The following NCAM1 variants were observed in gnomAD, a reference collection of about 807,000 sequenced individuals.
The protein encoded by NCAM1 is neural cell adhesion molecule 1.
In NCAM1, 14 loss-of-function variants were observed where a neutral mutation model predicts 109.8. The ratio of observed to expected loss-of-function variants is 0.13; its 90% CI spans 0.08 to 0.20. NCAM1 has a LOEUF of 0.20. Ranked by LOEUF, NCAM1 falls within the 10% of genes least tolerant of loss-of-function variation. The pLI is 1.00. For synonymous variants in NCAM1, 418 were observed against 442.9 expected (o/e 0.94, Z 0.70); for missense variants, 774 against 1,109.9 (o/e 0.70, Z 4.30).
intron 1 of NCAM1, among the ~76,000 whole-genome samples, chr11:113,008,216 G>A (rs1158495055): frequency 6.6e-6 from 1 of 152,052 alleles, no homozygotes; most frequent in Non-Finnish European, 1.5e-5. Flanking sequence ...TTTGATAGAG[G>A]ATCAGAGAAT....
intron 14 of NCAM1, 118 bp downstream of exon 14, chr11:113,235,282 C>A (rs781852547): frequency 2.5e-6 from 4 of 1,596,348 alleles, no homozygotes; most frequent in Non-Finnish European, 3.4e-6. Flanking sequence ...CTTTCAGATC[C>A]CTCTGCTCCT....
chr11:113,237,782 T>C (rs973353261), intron 14 of NCAM1, among the ~76,000 whole-genome samples: 1 of 151,956 alleles, frequency 6.6e-6, no homozygotes, highest in African/African-American at 2.4e-5. Flanking sequence ...TGAATCAGAG[T>C]AACTGGGTCT....
chr11:113,035,412 G>T (rs782101274), intron 1 of NCAM1, among the ~76,000 whole-genome samples: 1 of 152,148 alleles, frequency 6.6e-6, no homozygotes, highest in Admixed American at 6.5e-5. Flanking sequence ...GAGTAACTCT[G>T]CACATCTCAC....
intron 1 of NCAM1, among the ~76,000 whole-genome samples, chr11:113,097,741 C>G (rs906507058): frequency 6.6e-5 from 10 of 151,542 alleles, no homozygotes; most frequent in African/African-American, 2.4e-4. Flanking sequence ...AATAAATTGA[C>G]TTATCATTAA....
chr11:113,157,578 A>C (rs1591373796), intron 1 of NCAM1, among the ~76,000 whole-genome samples: 2 of 151,968 alleles, frequency 1.3e-5, no homozygotes, highest in South Asian at 4.2e-4. Context: ...GCTTCTCTAT[A>C]CTCCTACACA....
At chr11:113,050,545 T>C (rs1953440561) in intron 1 of NCAM1, among the ~76,000 whole-genome samples, 1 of 152,206 alleles carries the variant, frequency 6.6e-6, no homozygotes, top group Non-Finnish European at 1.5e-5. Flanking sequence ...TGTGTGTCTA[T>C]TTTTATACCA....
chr11:113,035,892 G>C (rs187571858), intron 1 of NCAM1, among the ~76,000 whole-genome samples: 17 of 152,204 alleles, frequency 1.1e-4, no homozygotes, highest in African/African-American at 4.1e-4. Flanking sequence ...CTTTGGCTGG[G>C]AGGTCCTGAA....
intron 13 of NCAM1, 123 bp from the exon 14 acceptor site, chr11:113,234,910 A>T: frequency 7.8e-7 from 1 of 1,276,624 alleles, no homozygotes; most frequent in Non-Finnish European, 1.1e-6. Flanking sequence ...GCCCAGAAAT[A>T]GAATTGCTGG....
intron 1 of NCAM1, among the ~76,000 whole-genome samples, chr11:113,181,890 A>G (rs1449479905): frequency 6.6e-6 from 1 of 152,058 alleles, no homozygotes; most frequent in Non-Finnish European, 1.5e-5. Flanking sequence ...ATTGAATGAG[A>G]CCACTTAGCC....
chr11:113,016,810 A>G (rs912376056), intron 1 of NCAM1, among the ~76,000 whole-genome samples: 9 of 152,180 alleles, frequency 5.9e-5, no homozygotes, highest in South Asian at 2.1e-4. Context: ...CTCAAATTTT[A>G]TGAAGAGCTT....
At chr11:113,244,362 A>G (rs1555119737) in intron 14 of NCAM1, among the ~76,000 whole-genome samples, 1 of 152,214 alleles carries the variant, frequency 6.6e-6, no homozygotes, top group Admixed American at 6.5e-5. Context: ...CAAAATGCTT[A>G]GTTGTGACAT....
At chr11:113,113,922 A>C (rs1245086) in intron 1 of NCAM1, among the ~76,000 whole-genome samples, 2 of 152,156 alleles carry the variant, frequency 1.3e-5, no homozygotes, top group African/African-American at 4.8e-5. Flanking sequence ...TTCACTTCAC[A>C]TTGCTGTCCT....
intron 1 of NCAM1, among the ~76,000 whole-genome samples, chr11:113,184,586 C>T (rs1249559443): frequency 1.3e-5 from 2 of 152,170 alleles, no homozygotes; most frequent in Non-Finnish European, 2.9e-5. Context: ...ATACCCACAC[C>T]TTTCTTTTTC....
At chr11:113,157,341 A>G (rs2136319207) in intron 1 of NCAM1, among the ~76,000 whole-genome samples, 1 of 152,306 alleles carries the variant, frequency 6.6e-6, no homozygotes, top group Middle Eastern at 3.4e-3. Context: ...CCAAGTTGAA[A>G]ATGTTCAAGG....
intron 1 of NCAM1, among the ~76,000 whole-genome samples, chr11:113,188,067 G>A (rs1943566400): frequency 6.6e-6 from 1 of 152,192 alleles, no homozygotes; most frequent in African/African-American, 2.4e-5. Context: ...TGTTGCTGCT[G>A]TTGGGTGTGG....
intron 1 of NCAM1, among the ~76,000 whole-genome samples, chr11:113,040,292 T>C (rs1439246763): frequency 2.0e-5 from 3 of 152,184 alleles, no homozygotes; most frequent in Non-Finnish European, 4.4e-5. Flanking sequence ...TGTACCCTGG[T>C]CGCAAATGCA....
chr11:113,186,495 A>G (rs180825352), intron 1 of NCAM1, among the ~76,000 whole-genome samples: 1 of 152,302 alleles, frequency 6.6e-6, no homozygotes, highest in African/African-American at 2.4e-5. Context: ...ACACAGTAAG[A>G]GGTTTGATTA....
chr11:113,273,848 T>G lies in NCAM1; in HGVS notation c.2457-1419T>G. 4.2e-6 allele frequency: 1 copy of G among 237,360 alleles called. No homozygotes were observed. The highest frequency in any genetic ancestry group is 1.3e-4 in the East Asian group (1 of 7,548). 14.7% of individuals were successfully genotyped at this position (237,360 alleles called of 1,614,324 possible). ...CTTGTTAGATGTGTCTTCAGCCTCATCCAGGGCTTCTCTGAGGCGACCGTC... is the reference window on the plus strand; with the variant it reads ...CTTGTTAGATGTGTCTTCAGCCTCAGCCAGGGCTTCTCTGAGGCGACCGTC... On this transcript the variant is annotated intron_variant, in intron 19 of 19. Transcript: ENST00000316851. The surrounding 1 kb of genome is among the most constrained non-coding windows in gnomAD (Gnocchi z 6.0).
chr11:113,206,262 G>T, intron 5 of NCAM1, 82 bp downstream of exon 5: 1 of 1,422,344 alleles, frequency 7.0e-7, no homozygotes. Flanking sequence ...TTCCTCTTGG[G>T]TCTGTAAATT....
Sources: allele counts gnomAD v4.1 joint callset (sites outside exome capture counted in the v4.1 genomes callset), GRCh38; gene constraint gnomAD v4.1.1; non-coding constraint Gnocchi (gnomAD v3.1); transcripts MANE v1.5; gene names NCBI Gene and HGNC (gene_info 2026-07-23, HGNC 2026-07-21).